NRCAM: variants seen among roughly 807,000 people sequenced by gnomAD.
The protein encoded by NRCAM is NgCAM-related cell adhesion molecule.
In NRCAM, 83 loss-of-function variants were observed where a neutral mutation model predicts 156.5. That is an observed-to-expected ratio of 0.53 (90% CI 0.44 to 0.64). NRCAM has a LOEUF of 0.64. Ranked by LOEUF, NRCAM falls within the 30% of genes least tolerant of loss-of-function variation. NRCAM has a pLI of 0.00. For synonymous variants in NRCAM, 538 were observed against 563.9 expected, an observed-to-expected ratio of 0.95 and a Z score of 0.65; for missense variants, 1,417 against 1,597.3, an observed-to-expected ratio of 0.89 and a Z score of 1.92.
chr7:108,332,603 A>G (rs2099138046), intron 2 of NRCAM, among the ~76,000 whole-genome samples: 1 of 152,224 alleles, frequency 6.6e-6, no homozygotes. Context: ...TAAAAAAAGA[A>G]TCCCTGTGAA....
At chr7:108,426,907 T>C (rs1339407629) in intron 1 of NRCAM, among the ~76,000 whole-genome samples, 1 of 152,216 alleles carries the variant, frequency 6.6e-6, no homozygotes, top group African/African-American at 2.4e-5. Flanking sequence ...TTCATCATCT[T>C]AGTTATTGAA....
intron 13 of NRCAM, among the ~76,000 whole-genome samples, chr7:108,200,780 ACACACT>A (rs1222271164): frequency 1.5e-5 from 2 of 137,160 alleles, no homozygotes; most frequent in Admixed American, 7.4e-5. Context: ...ACACACACAC[ACACACT>A]ATGAAATACT....
At chr7:108,151,575 C>T (rs1487306829) in intron 32 of NRCAM, among the ~76,000 whole-genome samples, 1 of 152,162 alleles carries the variant, frequency 6.6e-6, no homozygotes, top group African/African-American at 2.4e-5. Context: ...GCATATGCCA[C>T]TGAAAACAAC....
Position 108,223,802 on chromosome 7 carries a change from T to C in NRCAM, c.813A>G (p.Leu271=). ...TGTTACTTGCATTGCCTTCTGGAGT[T>C]AAAAATGTTGGTGGCCTCTCTCTAC... ...KSSRERPPTF[L]TPEGNASNKE... The change falls in exon 11 of 33, where the codon TTA becomes TTG. Residue 271 remains leucine (L), a synonymous_variant. Transcript: ENST00000379028. 1 of 1,610,380 alleles carries C rather than the reference T, an allele frequency of 6.2e-7. No homozygotes were observed. Among genetic ancestry groups the C allele is most frequent in the East Asian group, 2.2e-5 (1 of 44,764 alleles).
Position 108,187,904 on chromosome 7 carries a change from G to A in NRCAM, c.2035+1741C>T, listed in dbSNP as rs572834996. ...CGGGAGGCAGAGCTTGCAGTGAGCCGAGATCGCGCCACTGCACTCCAGCCT... is the reference window on the plus strand; with the variant it reads ...CGGGAGGCAGAGCTTGCAGTGAGCCAAGATCGCGCCACTGCACTCCAGCCT... On this transcript the variant is annotated intron_variant, in intron 20 of 32. Coordinates refer to ENST00000379028, the MANE Select transcript of NRCAM (RefSeq NM_001037132.4). 5.9e-5 allele frequency among the ~76,000 whole-genome samples: 9 copies of A among 151,998 alleles called. No homozygotes were observed. In the South Asian group the frequency reaches 1.2e-3, roughly 21 times the overall value.
chr7:108,192,186 G>A (rs1356901482), intron 17 of NRCAM, among the ~76,000 whole-genome samples: 2 of 152,126 alleles, frequency 1.3e-5, no homozygotes, highest in Admixed American at 1.3e-4. Context: ...TAGAGGGTGT[G>A]GTAGGAGTTT....
chr7:108,315,007 ACCC>A (rs150711707), intron 2 of NRCAM, among the ~76,000 whole-genome samples: 2,506 of 146,568 alleles, frequency 0.017, 75 homozygotes, highest in African/African-American at 0.059. Context: ...GATTGCCCCC[ACCC>A]CCCCAACAAC....
chr7:108,218,828 A>G (rs1399714720), intron 11 of NRCAM, among the ~76,000 whole-genome samples: 27 of 152,182 alleles, frequency 1.8e-4, no homozygotes, highest in Admixed American at 1.8e-3. Context: ...AACCAAACCC[A>G]AACCCAGCAG....
chr7:108,324,634 A>G (rs1593400496), intron 2 of NRCAM, among the ~76,000 whole-genome samples: 2 of 152,310 alleles, frequency 1.3e-5, no homozygotes, highest in South Asian at 2.1e-4. Context: ...CTCCCTGTCC[A>G]GTCGGGGGCT....
chr7:108,165,323 C>T (rs1425989160), intron 30 of NRCAM, among the ~76,000 whole-genome samples: 2 of 152,134 alleles, frequency 1.3e-5, no homozygotes, highest in Non-Finnish European at 2.9e-5. Flanking sequence ...GGCGACCTGG[C>T]AGGTACTCGA....
At chr7:108,330,645 G>A (rs924742293) in intron 2 of NRCAM, among the ~76,000 whole-genome samples, 6 of 152,072 alleles carry the variant, frequency 3.9e-5, no homozygotes, top group Admixed American at 6.6e-5. Context: ...AATGGGTACC[G>A]TCCCACCAAA....
intron 2 of NRCAM, among the ~76,000 whole-genome samples, chr7:108,322,534 C>G (rs920146527): frequency 6.6e-6 from 1 of 152,016 alleles, no homozygotes; most frequent in African/African-American, 2.4e-5. Context: ...ATTTTTTGAA[C>G]CAAATGGAAC....
intron 2 of NRCAM, among the ~76,000 whole-genome samples, chr7:108,320,078 T>C (rs2098982361): frequency 6.6e-6 from 1 of 152,192 alleles, no homozygotes; most frequent in African/African-American, 2.4e-5. Context: ...TTTGATAGTG[T>C]TTAATATACC....
intron 2 of NRCAM, among the ~76,000 whole-genome samples, chr7:108,395,175 A>G (rs974978271): frequency 1.3e-5 from 2 of 152,218 alleles, no homozygotes; most frequent in African/African-American, 4.8e-5. Context: ...TATTCTATTA[A>G]CTAAGGCAAA....
At chr7:108,232,708 A>G (rs1162630783) in intron 6 of NRCAM, among the ~76,000 whole-genome samples, 186 bp from the exon 7 acceptor site, 2 of 152,188 alleles carry the variant, frequency 1.3e-5, no homozygotes, top group Non-Finnish European at 2.9e-5. Context: ...AGGGCAGGCT[A>G]TACATTTTAA....
chr7:108,169,260 A>T (rs1586034722), intron 28 of NRCAM, among the ~76,000 whole-genome samples: 1 of 152,220 alleles, frequency 6.6e-6, no homozygotes, highest in East Asian at 1.9e-4. Context: ...GTCATTAAAA[A>T]ATGTTATTTG....
intron 3 of NRCAM, among the ~76,000 whole-genome samples, chr7:108,290,837 A>C (rs944423334): frequency 1.1e-4 from 16 of 152,162 alleles, no homozygotes; most frequent in Non-Finnish European, 2.2e-4. Flanking sequence ...GAATCTGCTG[A>C]TTGTCATCAA....
At chr7:108,261,015 C>T (rs1250117147) in intron 3 of NRCAM, among the ~76,000 whole-genome samples, 1 of 151,972 alleles carries the variant, frequency 6.6e-6, no homozygotes, top group Non-Finnish European at 1.5e-5. Flanking sequence ...TACTAGGTTC[C>T]TAAAGGGGGA....
chr7:108,368,523 T>A (rs2099608041), intron 2 of NRCAM, among the ~76,000 whole-genome samples: 1 of 152,164 alleles, frequency 6.6e-6, no homozygotes, highest in Admixed American at 6.5e-5. Context: ...CTCTACAGAT[T>A]ACATTTATGT....
Sources: allele counts gnomAD v4.1 joint callset (sites outside exome capture counted in the v4.1 genomes callset), GRCh38; gene constraint gnomAD v4.1.1; transcripts MANE v1.5; gene names NCBI Gene and HGNC (gene_info 2026-07-23, HGNC 2026-07-21).